The following DRC10 variants were observed in gnomAD, a reference collection of about 807,000 sequenced individuals.
DRC10 encodes the protein IQ domain-containing protein D.
the DRC10 span, among the ~76,000 whole-genome samples, chr12:113,219,768 G>A: frequency 1.3e-5 from 2 of 151,986 alleles, no homozygotes; most frequent in African/African-American, 2.4e-5. Context: ...CGCCTCTTGC[G>A]ATCAAGCAAT....
At chr12:113,199,399 C>CATAAATAAATAAATAAATAAATAA in the DRC10 span, among the ~76,000 whole-genome samples, 5 of 150,678 alleles carry the variant, frequency 3.3e-5, no homozygotes, top group African/African-American at 7.4e-5. Context: ...CTGTCTCAAA[C>CATAAATAAATAAATAAATAAATAA]ATAAATAAAT....
the DRC10 span, among the ~76,000 whole-genome samples, chr12:113,217,088 CA>C: frequency 6.6e-6 from 1 of 151,970 alleles, no homozygotes; most frequent in African/African-American, 2.4e-5. Flanking sequence ...GGCTCTGTCT[CA>C]AAAAAACAAA....
the DRC10 span, among the ~76,000 whole-genome samples, chr12:113,216,257 A>C: frequency 6.6e-6 from 1 of 152,244 alleles, no homozygotes; most frequent in East Asian, 1.9e-4. Context: ...CATATCACTA[A>C]GTGAAAGAAG....
chr12:113,196,561 A>G, the DRC10 span, among the ~76,000 whole-genome samples: 12 of 152,294 alleles, frequency 7.9e-5, no homozygotes, highest in Middle Eastern at 6.8e-3. Context: ...CACAACCCTC[A>G]TGGGACCCAG....
chr12:113,197,700 G>T, the DRC10 span: 3 of 834,546 alleles, frequency 3.6e-6, no homozygotes, highest in Non-Finnish European at 5.9e-6. Context: ...GGCTCTGGCA[G>T]GTGCTTGACA....
chr12:113,208,148 C>T, the DRC10 span: 19 of 1,613,086 alleles, frequency 1.2e-5, no homozygotes, highest in South Asian at 2.2e-5. Context: ...GGGGCCATGG[C>T]GAGAATGTCT....
the DRC10 span, among the ~76,000 whole-genome samples, chr12:113,196,080 G>C: frequency 6.6e-6 from 1 of 152,174 alleles, no homozygotes; most frequent in African/African-American, 2.4e-5. Context: ...CTCTAGGAAG[G>C]ACCCAACTGA....
chr12:113,219,733 T>C, the DRC10 span, among the ~76,000 whole-genome samples: 1 of 151,994 alleles, frequency 6.6e-6, no homozygotes, highest in Non-Finnish European at 1.5e-5. Context: ...AGTGCAGTAG[T>C]GCAATCATGG....
the DRC10 span, among the ~76,000 whole-genome samples, chr12:113,205,902 CAAAA>C: frequency 4.2e-5 from 2 of 48,000 alleles, no homozygotes; most frequent in Non-Finnish European, 8.6e-5. Flanking sequence ...GACTCCGTCT[CAAAA>C]AAAAAAAAAA....
At chr12:113,205,345 CA>C in the DRC10 span, among the ~76,000 whole-genome samples, 3 of 150,964 alleles carry the variant, frequency 2.0e-5, no homozygotes, top group Admixed American at 2.0e-4. Flanking sequence ...CCAGCCTGGC[CA>C]ACACGGTGAA....
At chr12:113,205,660 C>T in the DRC10 span, among the ~76,000 whole-genome samples, 12 of 147,864 alleles carry the variant, frequency 8.1e-5, no homozygotes, top group South Asian at 2.2e-4. Flanking sequence ...GAGGCCGAGG[C>T]GGGTGGATCA....
chr12:113,197,674 ACT>A, the DRC10 span: 74 of 1,038,422 alleles, frequency 7.1e-5, no homozygotes, highest in African/African-American at 6.7e-4. Flanking sequence ...AGCACTGAGC[ACT>A]CTCTGCATCA....
the DRC10 span, chr12:113,203,009 G>C: frequency 2.2e-6 from 1 of 454,460 alleles, no homozygotes; most frequent in Non-Finnish European, 4.4e-6. Flanking sequence ...TTATTATTAG[G>C]GTTTGGGATC....
At chr12:113,203,906 G>A in the DRC10 span, among the ~76,000 whole-genome samples, 10 of 150,714 alleles carry the variant, frequency 6.6e-5, no homozygotes, top group Non-Finnish European at 1.0e-4. Flanking sequence ...ATAGGTGTGA[G>A]CCACTACTTC....
At chr12:113,214,190 C>CT in the DRC10 span, among the ~76,000 whole-genome samples, 1 of 152,094 alleles carries the variant, frequency 6.6e-6, no homozygotes, top group Non-Finnish European at 1.5e-5. Flanking sequence ...CAACCAACTA[C>CT]TATACAGTAG....
At chr12:113,217,399 C>CA in the DRC10 span, among the ~76,000 whole-genome samples, 3 of 152,018 alleles carry the variant, frequency 2.0e-5, no homozygotes, top group Non-Finnish European at 2.9e-5. Flanking sequence ...GTGTAAAACT[C>CA]AGTGACTATT....
At chr12:113,204,030 CAGG>C in the DRC10 span, among the ~76,000 whole-genome samples, 1 of 151,984 alleles carries the variant, frequency 6.6e-6, no homozygotes, top group African/African-American at 2.4e-5. Context: ...TGCTTGAGCC[CAGG>C]AGTTCGAAAC....
the DRC10 span, among the ~76,000 whole-genome samples, chr12:113,214,063 C>T: frequency 1.3e-5 from 2 of 152,172 alleles, no homozygotes; most frequent in Non-Finnish European, 2.9e-5. Context: ...TCACTACCCT[C>T]CAAACCTCTA....
At chr12:113,197,711 T>C in the DRC10 span, 1 of 754,196 alleles carries the variant, frequency 1.3e-6, no homozygotes, top group Non-Finnish European at 2.3e-6. Context: ...GTGCTTGACA[T>C]GCCTCGCCTA....
Sources: allele counts gnomAD v4.1 joint callset (sites outside exome capture counted in the v4.1 genomes callset), GRCh38; gene constraint gnomAD v4.1.1; transcripts MANE v1.5; gene names NCBI Gene and HGNC (gene_info 2026-07-23, HGNC 2026-07-21).